The following LRMDA variants were observed in gnomAD, a reference collection of about 807,000 sequenced individuals.
The protein encoded by LRMDA is leucine-rich melanocyte differentiation-associated protein.
In LRMDA, 18 loss-of-function variants were observed where a neutral mutation model predicts 29.8. The observed-to-expected ratio is 0.60, with a 90% confidence interval of 0.42 to 0.90. The LOEUF (loss-of-function observed/expected upper bound fraction) is 0.90. Ranked by LOEUF, LRMDA falls within the 40% of genes least tolerant of loss-of-function variation. LRMDA has a pLI of 0.00. For missense variants in LRMDA, 273 were observed against 273.9 expected, an observed-to-expected ratio of 1.00 and a Z score of 0.02; for synonymous variants, 125 against 109.4, an observed-to-expected ratio of 1.14 and a Z score of -0.89.
intron 6 of LRMDA, among the ~76,000 whole-genome samples, chr10:76,328,017 C>G (rs1186259871): frequency 1.3e-5 from 2 of 152,184 alleles, no homozygotes; most frequent in East Asian, 3.8e-4. Context: ...AGGAAGGGGT[C>G]AGACTCTCAG....
At chr10:75,485,457 C>T (rs2395287) in intron 2 of LRMDA, among the ~76,000 whole-genome samples, 15,188 of 151,998 alleles carry the variant, frequency 0.1, 1,105 homozygotes, top group Non-Finnish European at 0.15. Flanking sequence ...AGTGCAGTGA[C>T]GTGATCTCAG....
chr10:75,927,145 G>A (rs191272743), intron 2 of LRMDA, among the ~76,000 whole-genome samples: 1 of 152,324 alleles, frequency 6.6e-6, no homozygotes, highest in Non-Finnish European at 1.5e-5. Context: ...GGGGTCTCCA[G>A]CGATAGGGAA....
chr10:76,471,747 CAACAATAAG>C (rs1375147301), intron 6 of LRMDA, among the ~76,000 whole-genome samples: 2 of 151,398 alleles, frequency 1.3e-5, no homozygotes, highest in African/African-American at 4.8e-5. Flanking sequence ...ATGCAAACAA[CAACAATAAG>C]AAAATTGGAG....
chr10:75,447,418 C>T (rs1358678732), intron 2 of LRMDA, among the ~76,000 whole-genome samples: 3 of 152,140 alleles, frequency 2.0e-5, no homozygotes, highest in Middle Eastern at 3.4e-3. Flanking sequence ...CCTAGCTACT[C>T]AGGAGGCTGA....
intron 2 of LRMDA, among the ~76,000 whole-genome samples, chr10:75,768,811 CAGAG>C (rs1021384135): frequency 4.6e-5 from 7 of 152,106 alleles, no homozygotes; most frequent in Middle Eastern, 3.2e-3. Flanking sequence ...GTGTGTGTGA[CAGAG>C]AGAGAATTGG....
chr10:76,211,648 C>T (rs1851636104), intron 5 of LRMDA, among the ~76,000 whole-genome samples: 2 of 152,138 alleles, frequency 1.3e-5, no homozygotes, highest in Non-Finnish European at 2.9e-5. Flanking sequence ...TTAGGTTTTG[C>T]TAGGCTGACA....
chr10:75,722,091 A>G (rs1275097251), intron 2 of LRMDA, among the ~76,000 whole-genome samples: 1 of 152,198 alleles, frequency 6.6e-6, no homozygotes, highest in South Asian at 2.1e-4. Flanking sequence ...TGCTCATAAA[A>G]AGATTTTAGT....
intron 2 of LRMDA, among the ~76,000 whole-genome samples, chr10:75,868,884 T>C (rs1183398620): frequency 6.6e-6 from 1 of 152,208 alleles, no homozygotes; most frequent in Non-Finnish European, 1.5e-5. Flanking sequence ...CCTGTGTGAA[T>C]GGCTTGACCC....
Position 75,782,719 on chromosome 10 carries a change from GGA to G in LRMDA, c.132-253286_132-253285del, listed in dbSNP as rs1211815890. ...ACATAAAGCCAGGCACTTGTGAGAT[GGA>G]GACCGGGGCGAAACTGCAAGCAGAT... On this transcript the variant is annotated intron_variant, in intron 2 of 6. Transcript: ENST00000611255. The G allele has an allele frequency of 8.5e-6, 11 of 1,296,590 alleles. No homozygotes were observed. In the Admixed American group the frequency reaches 3.6e-4, roughly 42 times the overall value. The allele number at this position is 1,296,590 out of a possible 1,614,324, so 80.3% of individuals were successfully genotyped here.
At chr10:76,210,190 G>A (rs922878349) in intron 5 of LRMDA, among the ~76,000 whole-genome samples, 1 of 152,136 alleles carries the variant, frequency 6.6e-6, no homozygotes, top group African/African-American at 2.4e-5. Flanking sequence ...TTCACACAGT[G>A]TCCAACCCCT....
chr10:75,892,612 C>G (rs1400182852), intron 2 of LRMDA, among the ~76,000 whole-genome samples: 1 of 152,152 alleles, frequency 6.6e-6, no homozygotes, highest in Non-Finnish European at 1.5e-5. Context: ...TTAATAGCCT[C>G]TTTCTTTTGG....
chr10:75,535,530 C>G (rs1045371357), intron 2 of LRMDA, among the ~76,000 whole-genome samples: 2 of 152,166 alleles, frequency 1.3e-5, no homozygotes, highest in Non-Finnish European at 2.9e-5. Flanking sequence ...ATTTTCCCAT[C>G]TCAATTTCTT....
intron 2 of LRMDA, among the ~76,000 whole-genome samples, chr10:75,575,911 G>A (rs1564804866): frequency 6.6e-6 from 1 of 151,618 alleles, no homozygotes; most frequent in Non-Finnish European, 1.5e-5. Flanking sequence ...AGGGCCCTGG[G>A]TTTCCAGCAC....
intron 5 of LRMDA, among the ~76,000 whole-genome samples, chr10:76,061,338 G>A (rs1589309182): frequency 6.6e-6 from 1 of 152,226 alleles, no homozygotes; most frequent in Non-Finnish European, 1.5e-5. Flanking sequence ...TGAACACAAA[G>A]AAGGGAACAA....
chr10:76,305,116 T>G (rs1283445277), intron 5 of LRMDA, among the ~76,000 whole-genome samples: 2 of 152,156 alleles, frequency 1.3e-5, no homozygotes, highest in Non-Finnish European at 2.9e-5. Context: ...TGCCTTACCC[T>G]TCTGTAATCT....
chr10:75,817,478 C>T (rs1160243149), intron 2 of LRMDA, among the ~76,000 whole-genome samples: 1 of 152,108 alleles, frequency 6.6e-6, no homozygotes, highest in Admixed American at 6.5e-5. Context: ...CCATGTGATA[C>T]AGTCTGTAGA....
chr10:75,781,835 G>A (rs1331823945), intron 2 of LRMDA, among the ~76,000 whole-genome samples: 1 of 152,178 alleles, frequency 6.6e-6, no homozygotes, highest in Non-Finnish European at 1.5e-5. Context: ...AGAGAATTGA[G>A]GTGGTAACTT....
At chr10:75,654,034 G>C (rs879116742) in intron 2 of LRMDA, among the ~76,000 whole-genome samples, 1 of 152,220 alleles carries the variant, frequency 6.6e-6, no homozygotes, top group Admixed American at 6.5e-5. Flanking sequence ...CACACCCATA[G>C]TCAGCGCACT....
chr10:75,450,666 C>G (rs780807297), intron 2 of LRMDA: 1 of 152,190 alleles, frequency 6.6e-6, no homozygotes, highest in African/African-American at 2.4e-5. Flanking sequence ...GAAATATTTT[C>G]CCCATAATTG....
Sources: allele counts gnomAD v4.1 joint callset (sites outside exome capture counted in the v4.1 genomes callset), GRCh38; gene constraint gnomAD v4.1.1; transcripts MANE v1.5; gene names NCBI Gene and HGNC (gene_info 2026-07-23, HGNC 2026-07-21).